Variants in DIAPH1 observed in about 807,000 individuals in gnomAD.
DIAPH1 encodes the protein protein diaphanous homolog 1.
DIAPH1 carries 46 observed loss-of-function variants against 140.7 expected under a neutral mutation model. The observed-to-expected ratio is 0.33, with a 90% confidence interval of 0.26 to 0.42. DIAPH1 has a LOEUF of 0.42. Among genes scored for constraint, DIAPH1 ranks in the 10% least tolerant of loss-of-function variants. DIAPH1 has a pLI of 1.00. For missense variants in DIAPH1, 1,310 were observed against 1,558.7 expected (o/e 0.84, Z 2.69); for synonymous variants, 565 against 551.6 (o/e 1.02, Z -0.34).
At chr5:141,613,757 T>C (rs541819198) in intron 1 of DIAPH1, among the ~76,000 whole-genome samples, 1 of 152,352 alleles carries the variant, frequency 6.6e-6, no homozygotes, top group African/African-American at 2.4e-5. Flanking sequence ...AAAGGGTTTC[T>C]TGATCCTAAG....
intron 27 of DIAPH1, among the ~76,000 whole-genome samples, chr5:141,518,245 T>C (rs2099885988): frequency 6.6e-6 from 1 of 151,044 alleles, no homozygotes; most frequent in Non-Finnish European, 1.5e-5. Flanking sequence ...CTTGTGGATA[T>C]TCTAAAACCC....
intron 18 of DIAPH1, among the ~76,000 whole-genome samples, chr5:141,547,965 A>T (rs905255292): frequency 3.3e-5 from 5 of 152,192 alleles, no homozygotes; most frequent in African/African-American, 1.2e-4. Context: ...TGAGAGGCTA[A>T]TGTGCGTGGA....
chr5:141,531,169 C>T (rs1481382762), intron 19 of DIAPH1, among the ~76,000 whole-genome samples: 1 of 152,178 alleles, frequency 6.6e-6, no homozygotes, highest in Non-Finnish European at 1.5e-5. Context: ...TCCACCTCCC[C>T]GAAAAGACAA....
chr5:141,531,129 A>T (rs186309976), intron 19 of DIAPH1, among the ~76,000 whole-genome samples: 92 of 152,322 alleles, frequency 6.0e-4, no homozygotes, highest in African/African-American at 2.1e-3. Context: ...AATATACTTT[A>T]AGTAAGACAC....
chr5:141,536,121 A>G, intron 18 of DIAPH1: 3 of 425,288 alleles, frequency 7.1e-6, no homozygotes, highest in East Asian at 7.6e-5. Context: ...CCAACATGGC[A>G]AAACCCTGTC....
chr5:141,596,329 T>C (rs554516766), intron 1 of DIAPH1, among the ~76,000 whole-genome samples: 38 of 150,956 alleles, frequency 2.5e-4, no homozygotes, highest in African/African-American at 9.0e-4. Context: ...CAAGACTCTG[T>C]CTCAAAAAAA....
intron 18 of DIAPH1, among the ~76,000 whole-genome samples, chr5:141,544,685 A>G (rs1168147016): frequency 6.6e-6 from 1 of 152,234 alleles, no homozygotes; most frequent in East Asian, 1.9e-4. Context: ...TTAAAACTAC[A>G]AAGTCTAACC....
chr5:141,541,155 T>C (rs954378532), intron 18 of DIAPH1, among the ~76,000 whole-genome samples: 11 of 152,120 alleles, frequency 7.2e-5, no homozygotes, highest in African/African-American at 2.7e-4. Flanking sequence ...AACATCATGA[T>C]TTCAGAGATG....
chr5:141,548,375 AAT>A (rs1411341608), intron 18 of DIAPH1, among the ~76,000 whole-genome samples: 1 of 152,198 alleles, frequency 6.6e-6, no homozygotes, highest in Non-Finnish European at 1.5e-5. Flanking sequence ...GACCTGAACT[AAT>A]ATAGTAAAGG....
intron 1 of DIAPH1, among the ~76,000 whole-genome samples, chr5:141,617,730 A>G (rs2099902916): frequency 6.6e-6 from 1 of 152,250 alleles, no homozygotes; most frequent in African/African-American, 2.4e-5. Context: ...GTATCTTACA[A>G]AGCTTTTATA....
chr5:141,543,606 C>T (rs1001770220), intron 18 of DIAPH1, among the ~76,000 whole-genome samples: 3 of 152,120 alleles, frequency 2.0e-5, no homozygotes, highest in Non-Finnish European at 2.9e-5. Flanking sequence ...ACTGGCTTTG[C>T]GTTACATTAT....
At position 141,574,108 on chromosome 5, in the gene DIAPH1, G is replaced by C. The variant is rs1457366616; in HGVS notation, c.1742C>G (p.Pro581Arg). The C allele has an allele frequency of 1.9e-6, 3 of 1,613,912 alleles. No homozygotes were observed. Among genetic ancestry groups the C allele is most frequent in the Non-Finnish European group, 2.5e-6 (3 of 1,180,004 alleles). Residue 581 changes from proline to arginine, a missense_variant, in exon 16 of 28, where the codon CCT becomes CGT. Physicochemically the swap from Pro to Arg is moderately radical, Grantham distance 103 (BLOSUM62 -2). Coordinates refer to ENST00000389054, the MANE Select transcript of DIAPH1 (RefSeq NM_005219.5). ...TVPPSVPSRAPVPPAPPLPGD... is the reference protein window; with the variant it reads ...TVPPSVPSRARVPPAPPLPGD... ...AGGTAAAGGAGGGGCAGGGGGAACA[G>C]GAGCACGACTAGGAACAGAAGGAGG...
chr5:141,524,269 C>A (rs1371507153), intron 26 of DIAPH1, 40 bp from the exon 27 acceptor site: 1 of 1,577,850 alleles, frequency 6.3e-7, no homozygotes, highest in African/African-American at 1.3e-5. Flanking sequence ...ACTCTTCAGC[C>A]AGAGCAGCAT....
intron 18 of DIAPH1, among the ~76,000 whole-genome samples, chr5:141,559,889 GA>G (rs997138834): frequency 1.3e-5 from 2 of 152,110 alleles, no homozygotes; most frequent in Non-Finnish European, 2.9e-5. Context: ...TTTATTATGG[GA>G]AAAATTAAAC....
At chr5:141,594,294 T>A (rs2099898959) in intron 1 of DIAPH1, among the ~76,000 whole-genome samples, 1 of 152,222 alleles carries the variant, frequency 6.6e-6, no homozygotes, top group Non-Finnish European at 1.5e-5. Context: ...TACAGCAGCT[T>A]TATTCATAAT....
intron 26 of DIAPH1, chr5:141,524,550 T>A (rs1446103392): frequency 1.7e-5 from 7 of 417,244 alleles, no homozygotes; most frequent in East Asian, 1.1e-4. Flanking sequence ...AAGACCAGGA[T>A]AAGTAGAGAC....
intron 19 of DIAPH1, among the ~76,000 whole-genome samples, chr5:141,532,193 G>A (rs1007139157): frequency 6.6e-6 from 1 of 151,230 alleles, no homozygotes; most frequent in Non-Finnish European, 1.5e-5. Context: ...TTTTTTTTGA[G>A]ACGGGTCTTA....
At position 141,578,496 on chromosome 5, in the gene DIAPH1, A is replaced by C; in HGVS notation, c.1044+19T>G. ...AGAAGGAACCAGTCTAGCCTTTCTA[A>C]TGAAGTGTAATATCTTACCTGCAAC... On this transcript the variant is annotated intron_variant, in intron 10 of 27. Transcript: ENST00000389054. 6.3e-7 allele frequency: 1 copy of C among 1,597,244 alleles called. No individual in the cohort carries two copies. The highest frequency in any genetic ancestry group is 2.2e-5 in the East Asian group (1 of 44,794).
At chr5:141,606,784 A>G (rs938226712) in intron 1 of DIAPH1, among the ~76,000 whole-genome samples, 4 of 152,224 alleles carry the variant, frequency 2.6e-5, no homozygotes, top group Non-Finnish European at 5.9e-5. Flanking sequence ...CTCTCCAGAG[A>G]TGAATAATAA....
Sources: allele counts gnomAD v4.1 joint callset (sites outside exome capture counted in the v4.1 genomes callset), GRCh38; gene constraint gnomAD v4.1.1; transcripts MANE v1.5; gene names NCBI Gene and HGNC (gene_info 2026-07-23, HGNC 2026-07-21).